Variants in TRAF3IP1 observed in about 807,000 individuals in gnomAD.
TRAF3IP1 encodes intraflagellar transport 54.
In TRAF3IP1, 53 loss-of-function variants were observed where a neutral mutation model predicts 89.9. That is an observed-to-expected ratio of 0.59 (90% CI 0.47 to 0.74). The LOEUF (loss-of-function observed/expected upper bound fraction) is 0.74, where lower values mean the gene tolerates loss of function less well. Ranked by LOEUF, TRAF3IP1 falls within the 30% of genes least tolerant of loss-of-function variation. TRAF3IP1 has a pLI of 0.00. For missense variants in TRAF3IP1, 806 were observed against 866.1 expected, an observed-to-expected ratio of 0.93 and a Z score of 0.87; for synonymous variants, 311 against 322.1, an observed-to-expected ratio of 0.97 and a Z score of 0.37.
chr2:238,350,824 C>G (rs992123103), intron 12 of TRAF3IP1, among the ~76,000 whole-genome samples: 4 of 151,888 alleles, frequency 2.6e-5, no homozygotes, highest in South Asian at 2.1e-4. Context: ...GCTACACCTA[C>G]AGGCACTGGG....
chr2:238,334,578 G>GC (rs1424948397), intron 7 of TRAF3IP1, among the ~76,000 whole-genome samples: 2 of 152,208 alleles, frequency 1.3e-5, no homozygotes, highest in Non-Finnish European at 2.9e-5. Flanking sequence ...GAGGCCACTG[G>GC]CATTGGAGGC....
intron 3 of TRAF3IP1, among the ~76,000 whole-genome samples, chr2:238,328,060 T>C (rs1170016519): frequency 1.3e-5 from 2 of 152,194 alleles, no homozygotes; most frequent in African/African-American, 4.8e-5. Flanking sequence ...TATACAAATA[T>C]CTCTTCAAGA....
chr2:238,397,451 G>T lies in TRAF3IP1; in HGVS notation c.1690-8G>T. 1 of 1,612,290 alleles carries T rather than the reference G, an allele frequency of 6.2e-7. No individual in the cohort carries two copies. Among genetic ancestry groups the T allele is most frequent in the South Asian group, 1.1e-5 (1 of 90,914 alleles). Reference sequence around the variant, plus strand: ...CGTGTTCCTCTTCCTATGTCTCCCTGACTGTAGGAGCGATCTCTCTTTGAG... The same window carrying T: ...CGTGTTCCTCTTCCTATGTCTCCCTTACTGTAGGAGCGATCTCTCTTTGAG... On this transcript the variant is annotated splice_polypyrimidine_tract_variant and splice_region_variant and intron_variant, in intron 15 of 16. Transcript: ENST00000373327.
chr2:238,376,551 T>C (rs1218645918), intron 15 of TRAF3IP1, among the ~76,000 whole-genome samples: 1 of 152,216 alleles, frequency 6.6e-6, no homozygotes, highest in Non-Finnish European at 1.5e-5. Flanking sequence ...CTCTTGGGAT[T>C]TCAGTTGGAG....
At chr2:238,375,044 C>T (rs1374003997) in intron 15 of TRAF3IP1, among the ~76,000 whole-genome samples, 7 of 151,982 alleles carry the variant, frequency 4.6e-5, no homozygotes, top group South Asian at 2.1e-4. Flanking sequence ...GTCTTGCTAG[C>T]GGTCTATCAG....
intron 5 of TRAF3IP1, 29 bp from the exon 6 acceptor site, chr2:238,332,795 A>G (rs750225795): frequency 1.3e-6 from 2 of 1,489,428 alleles, no homozygotes; most frequent in South Asian, 2.3e-5. Flanking sequence ...GAATAATTCT[A>G]AAGTTTGAAT....
chr2:238,348,487 C>T (rs1699002150), intron 10 of TRAF3IP1, among the ~76,000 whole-genome samples: 1 of 152,090 alleles, frequency 6.6e-6, no homozygotes, highest in African/African-American at 2.4e-5. Flanking sequence ...CTCAGTTGAT[C>T]AGCCTGCCTT....
chr2:238,350,302 A>G (rs969698282), intron 12 of TRAF3IP1, among the ~76,000 whole-genome samples: 2 of 152,152 alleles, frequency 1.3e-5, no homozygotes, highest in African/African-American at 2.4e-5. Context: ...GGGGAAATTG[A>G]TGACGTAGGC....
intron 9 of TRAF3IP1, 50 bp from the exon 10 acceptor site, chr2:238,347,405 A>T: frequency 6.2e-7 from 1 of 1,603,288 alleles, no homozygotes; most frequent in East Asian, 2.2e-5. Context: ...CATTTAATGT[A>T]TTGAGGTTGA....
At chr2:238,350,498 G>A (rs1699101721) in intron 12 of TRAF3IP1, among the ~76,000 whole-genome samples, 1 of 152,152 alleles carries the variant, frequency 6.6e-6, no homozygotes, top group Non-Finnish European at 1.5e-5. Context: ...GGGTGAAGTC[G>A]CTGTGCACGA....
chr2:238,347,155 C>T, intron 9 of TRAF3IP1: 1 of 343,522 alleles, frequency 2.9e-6, no homozygotes, highest in Non-Finnish European at 5.3e-6. Context: ...TTTGTCGATT[C>T]TTGTCTCATG....
At chr2:238,350,628 G>T (rs1699107592) in intron 12 of TRAF3IP1, among the ~76,000 whole-genome samples, 1 of 152,146 alleles carries the variant, frequency 6.6e-6, no homozygotes, top group South Asian at 2.1e-4. Context: ...AGGGGTTAGG[G>T]CAGGGCAGTT....
chr2:238,376,232 C>G (rs1466812552), intron 15 of TRAF3IP1, among the ~76,000 whole-genome samples: 1 of 152,170 alleles, frequency 6.6e-6, no homozygotes, highest in Non-Finnish European at 1.5e-5. Flanking sequence ...GTATAACTTT[C>G]ATGTGCTGCA....
At chr2:238,348,093 AATAGTTTAGGC>A (rs1698980070) in intron 10 of TRAF3IP1, among the ~76,000 whole-genome samples, 1 of 152,148 alleles carries the variant, frequency 6.6e-6, no homozygotes. Context: ...AACTTGTCTT[AATAGTTTAGGC>A]CTTGTTATTT....
intron 7 of TRAF3IP1, among the ~76,000 whole-genome samples, chr2:238,336,012 G>A (rs1453849756): frequency 2.0e-5 from 3 of 151,788 alleles, no homozygotes; most frequent in Admixed American, 6.6e-5. Context: ...GGCTGGTCTC[G>A]AACTCTTGAC....
chr2:238,352,696 G>C (rs886799385), intron 12 of TRAF3IP1, 131 bp from the exon 13 acceptor site: 1 of 897,286 alleles, frequency 1.1e-6, no homozygotes, highest in Admixed American at 3.1e-5. Flanking sequence ...TCAGCGGGTA[G>C]CTTGAGATGC....
chr2:238,365,512 A>G (rs963426274), intron 15 of TRAF3IP1, among the ~76,000 whole-genome samples: 2 of 152,012 alleles, frequency 1.3e-5, no homozygotes, highest in African/African-American at 4.8e-5. Flanking sequence ...ATTAAAAACA[A>G]TCAGACATGG....
At chr2:238,341,903 T>C (rs1698677353) in intron 8 of TRAF3IP1, among the ~76,000 whole-genome samples, 1 of 152,208 alleles carries the variant, frequency 6.6e-6, no homozygotes, top group African/African-American at 2.4e-5. Context: ...ACAAGGTTCA[T>C]TGGTTACCAG....
At chr2:238,383,158 T>C (rs1361597307) in intron 15 of TRAF3IP1, among the ~76,000 whole-genome samples, 1 of 152,130 alleles carries the variant, frequency 6.6e-6, no homozygotes, top group African/African-American at 2.4e-5. Context: ...TCACCCACTA[T>C]AGGCCCACCT....
Sources: gnomAD v4.1 joint callset for allele counts (sites outside exome capture counted in the v4.1 genomes callset) on GRCh38, gnomAD v4.1.1 for gene constraint, MANE v1.5 for transcripts, NCBI Gene and HGNC (gene_info 2026-07-23, HGNC 2026-07-21) for gene names.